Variants in FSTL4 observed in about 807,000 individuals in gnomAD.
FSTL4 encodes follistatin-related protein 4.
Under a neutral mutation model 78.2 loss-of-function variants are expected in FSTL4, and 28 were observed. The observed-to-expected ratio is 0.36, with a 90% CI of 0.27 to 0.49. The LOEUF is 0.49. FSTL4 is among the 20% of genes least tolerant of loss of function. FSTL4 has a pLI of 0.98. For synonymous variants in FSTL4, 422 were observed against 440.5 expected (o/e 0.96, Z 0.53); for missense variants, 922 against 1,084.9 (o/e 0.85, Z 2.11).
intron 3 of FSTL4, among the ~76,000 whole-genome samples, chr5:133,562,886 T>G (rs535412223): frequency 6.6e-6 from 1 of 152,162 alleles, no homozygotes; most frequent in South Asian, 2.1e-4. Context: ...AAAGTACCGG[T>G]TTGAGTAGAT....
At chr5:133,556,806 G>A (rs30487) in intron 3 of FSTL4, among the ~76,000 whole-genome samples, 118,609 of 152,064 alleles carry the variant, frequency 0.78, 46,399 homozygotes, top group African/African-American at 0.83. Flanking sequence ...CCAAGAAAGA[G>A]GGTGATCTCT....
the FSTL4 span, among the ~76,000 whole-genome samples, chr5:133,722,600 A>G: frequency 1.4e-4 from 21 of 152,176 alleles, no homozygotes; most frequent in Non-Finnish European, 2.2e-4. Flanking sequence ...ATACATTTTC[A>G]TTTATTTGGG....
intron 14 of FSTL4, 35 bp from the exon 15 acceptor site, chr5:133,202,077 A>T: frequency 7.0e-7 from 1 of 1,432,750 alleles, no homozygotes; most frequent in Non-Finnish European, 9.7e-7. Context: ...GTGAGGGCCC[A>T]TGCAGGTGGG....
chr5:133,224,300 G>T (rs750384131), intron 10 of FSTL4, 84 bp from the exon 11 acceptor site: 24 of 1,003,054 alleles, frequency 2.4e-5, no homozygotes, highest in Non-Finnish European at 3.5e-5. Flanking sequence ...TCACTGCAGT[G>T]ATTCCATTTA....
At chr5:133,337,838 G>T (rs563165703) in intron 4 of FSTL4, among the ~76,000 whole-genome samples, 2 of 152,326 alleles carry the variant, frequency 1.3e-5, no homozygotes, top group Admixed American at 1.3e-4. Flanking sequence ...TTTAAAAAGT[G>T]AGCCAACTCA....
chr5:133,535,901 T>C (rs1051552792), intron 3 of FSTL4, among the ~76,000 whole-genome samples: 6 of 152,194 alleles, frequency 3.9e-5, no homozygotes, highest in Non-Finnish European at 8.8e-5. Context: ...GTGTCGTCGT[T>C]TTGTGTCATA....
At chr5:133,593,267 T>C (rs1339875978) in intron 2 of FSTL4, among the ~76,000 whole-genome samples, 1 of 151,904 alleles carries the variant, frequency 6.6e-6, no homozygotes, top group Non-Finnish European at 1.5e-5. Context: ...ACCCACATCC[T>C]CTACACTGCC....
At chr5:133,667,035 G>C in the FSTL4 span, among the ~76,000 whole-genome samples, 1 of 152,024 alleles carries the variant, frequency 6.6e-6, no homozygotes, top group Non-Finnish European at 1.5e-5. Flanking sequence ...ATCTTCACTT[G>C]GTTGTCTAAT....
intron 3 of FSTL4, among the ~76,000 whole-genome samples, chr5:133,510,406 A>G (rs1205879983): frequency 6.6e-6 from 1 of 152,090 alleles, no homozygotes; most frequent in Non-Finnish European, 1.5e-5. Context: ...TTCAAACCCC[A>G]AGGACTGTGC....
chr5:133,383,803 C>T (rs1384172900), intron 4 of FSTL4, among the ~76,000 whole-genome samples: 4 of 152,166 alleles, frequency 2.6e-5, no homozygotes, highest in Non-Finnish European at 5.9e-5. Context: ...CTGGTCGAGG[C>T]GTGCATTTCT....
chr5:133,743,824 C>T, the FSTL4 span, among the ~76,000 whole-genome samples: 1 of 152,188 alleles, frequency 6.6e-6, no homozygotes, highest in Non-Finnish European at 1.5e-5. Context: ...GGTTCCCATA[C>T]CCCAAAGATG....
chr5:133,592,614 G>A (rs978374450), intron 2 of FSTL4, among the ~76,000 whole-genome samples: 1 of 152,146 alleles, frequency 6.6e-6, no homozygotes, highest in South Asian at 2.1e-4. Context: ...CCTAATGGAG[G>A]TGTCTGAGTC....
intron 2 of FSTL4, among the ~76,000 whole-genome samples, chr5:133,597,069 C>T (rs1031243829): frequency 1.5e-5 from 2 of 133,232 alleles, no homozygotes; most frequent in African/African-American, 2.8e-5. Context: ...TTCTCGGTGT[C>T]GCCTGCTCAG....
intron 6 of FSTL4, among the ~76,000 whole-genome samples, chr5:133,299,220 A>G (rs569001751): frequency 3.9e-5 from 6 of 152,164 alleles, no homozygotes; most frequent in East Asian, 1.9e-4. Context: ...GGCAAGATCA[A>G]TTACCTCTCC....
At chr5:133,488,626 A>C (rs1025774432) in intron 3 of FSTL4, among the ~76,000 whole-genome samples, 1 of 152,246 alleles carries the variant, frequency 6.6e-6, no homozygotes, top group African/African-American at 2.4e-5. Context: ...TAGGGTAGAA[A>C]TCATGTTTAT....
In FSTL4 at chr5:133,540,734, A is replaced by G. The variant is rs1167571589; in HGVS notation, c.160+26452T>C. On this transcript the variant is annotated intron_variant, in intron 3 of 15. Coordinates refer to ENST00000265342, the MANE Select transcript of FSTL4 (RefSeq NM_015082.2). Reference sequence around the variant, plus strand: ...TTTAACATAGGCAAAAAAAAAAAAAAAAAAAGAAAGAAAAAAACAAACAAA... The same window carrying G: ...TTTAACATAGGCAAAAAAAAAAAAAGAAAAAGAAAGAAAAAAACAAACAAA... 6.6e-5 allele frequency among the ~76,000 whole-genome samples: 10 copies of G among 151,790 alleles called. No homozygotes were observed. In the East Asian group the frequency reaches 1.2e-3, roughly 18 times the overall value.
At chr5:133,809,394 A>C in the FSTL4 span, among the ~76,000 whole-genome samples, 1 of 146,944 alleles carries the variant, frequency 6.8e-6, no homozygotes, top group Non-Finnish European at 1.5e-5. Flanking sequence ...AAAAGACCTC[A>C]GAGGGTAATG....
At chr5:133,410,218 C>A (rs556061936) in intron 3 of FSTL4, among the ~76,000 whole-genome samples, 1 of 152,174 alleles carries the variant, frequency 6.6e-6, no homozygotes, top group Non-Finnish European at 1.5e-5. Context: ...TTAGACACTT[C>A]CTCCAAATAT....
At chr5:133,243,253 C>T (rs1561639882) in intron 7 of FSTL4, among the ~76,000 whole-genome samples, 1 of 151,796 alleles carries the variant, frequency 6.6e-6, no homozygotes, top group African/African-American at 2.4e-5. Context: ...AAACCCAAAA[C>T]AAAAAAGAGT....
Sources: allele counts gnomAD v4.1 joint callset (sites outside exome capture counted in the v4.1 genomes callset), GRCh38; gene constraint gnomAD v4.1.1; transcripts MANE v1.5; gene names NCBI Gene and HGNC (gene_info 2026-07-23, HGNC 2026-07-21).